TFCP2: variants seen among roughly 807,000 people sequenced by gnomAD.
TFCP2 encodes the protein transcription factor CP2, also known as alpha-globin transcription factor CP2.
Under a neutral mutation model 73.4 loss-of-function variants are expected in TFCP2, and 33 were observed. The ratio of observed to expected loss-of-function variants is 0.45; its 90% CI spans 0.34 to 0.60. The LOEUF is 0.60. Among genes scored for constraint, TFCP2 ranks in the 20% least tolerant of loss-of-function variants. The pLI, the probability that TFCP2 is intolerant of heterozygous loss-of-function variation, is 0.01. For missense variants in TFCP2, 352 were observed against 604.0 expected (o/e 0.58, Z 4.37); for synonymous variants, 193 against 211.6 (o/e 0.91, Z 0.76).
chr12:51,127,336 G>C, intron 1 of TFCP2, among the ~76,000 whole-genome samples: 1 of 152,112 alleles, frequency 6.6e-6, no homozygotes, highest in East Asian at 1.9e-4. Flanking sequence ...TCTCAAAAAT[G>C]AAATTCTGGC....
intron 1 of TFCP2, among the ~76,000 whole-genome samples, chr12:51,120,834 C>A (rs1349767032): frequency 2.1e-5 from 3 of 145,134 alleles, no homozygotes; most frequent in African/African-American, 7.6e-5. Context: ...ATGTCAGAGG[C>A]TGAGGCACGA....
intron 14 of TFCP2, 30 bp from the exon 15 acceptor site, chr12:51,095,308 T>C: frequency 1.9e-6 from 3 of 1,609,360 alleles, no homozygotes; most frequent in Non-Finnish European, 2.6e-6. Context: ...GAGAGAATCA[T>C]CTTTAGTCAC....
At chr12:51,168,318 A>C (rs1052075737) in intron 1 of TFCP2, among the ~76,000 whole-genome samples, 1 of 152,038 alleles carries the variant, frequency 6.6e-6, no homozygotes, top group African/African-American at 2.4e-5. Flanking sequence ...ACTTGGGAGG[A>C]CTGCTTGAGC....
At chr12:51,131,396 C>G (rs1940942295) in intron 1 of TFCP2, among the ~76,000 whole-genome samples, 1 of 150,970 alleles carries the variant, frequency 6.6e-6, no homozygotes, top group African/African-American at 2.4e-5. Flanking sequence ...TAGATAACAT[C>G]TAGGCATACT....
chr12:51,117,905 C>T lies in TFCP2; in HGVS notation c.275-158G>A, dbSNP rs542048910. On this transcript the variant is annotated intron_variant, in intron 2 of 14. Transcript: ENST00000257915. Reference sequence around the variant, plus strand: ...CCTTTACAAGATGCTCAGCACTGTGCTAAGTATTGTCACATTATCTCATTT... The same window carrying T: ...CCTTTACAAGATGCTCAGCACTGTGTTAAGTATTGTCACATTATCTCATTT... Among the ~76,000 whole-genome samples, 5 of 152,268 alleles carry T rather than the reference C, an allele frequency of 3.3e-5. No individual in the cohort carries two copies. The South Asian group carries it at 8.3e-4, about 25-fold the overall frequency.
chr12:51,133,445 C>A (rs954296671), intron 1 of TFCP2, among the ~76,000 whole-genome samples: 2 of 152,178 alleles, frequency 1.3e-5, no homozygotes, highest in Non-Finnish European at 2.9e-5. Context: ...GCTGGAACTA[C>A]AGGTGTGTGC....
At chr12:51,117,840 G>T in intron 2 of TFCP2, 93 bp from the exon 3 acceptor site, 1 of 738,648 alleles carries the variant, frequency 1.4e-6, no homozygotes. Context: ...ATATACAACA[G>T]TATAATAATA....
intron 1 of TFCP2, among the ~76,000 whole-genome samples, chr12:51,146,976 C>T (rs1941310265): frequency 6.6e-6 from 1 of 152,166 alleles, no homozygotes; most frequent in Non-Finnish European, 1.5e-5. Context: ...ATAGTAGGCA[C>T]TCAAGTGTTT....
At chr12:51,112,866 C>CAAA (rs11362530) in intron 4 of TFCP2, among the ~76,000 whole-genome samples, 12 of 111,564 alleles carry the variant, frequency 1.1e-4, no homozygotes, top group South Asian at 3.2e-4. Context: ...GACTCTGTCT[C>CAAA]AAAAAAAAAA....
At chr12:51,099,949 T>G (rs1326310154) in intron 11 of TFCP2, among the ~76,000 whole-genome samples, 170 bp from the exon 12 acceptor site, 1 of 149,310 alleles carries the variant, frequency 6.7e-6, no homozygotes, top group Admixed American at 6.7e-5. Flanking sequence ...AGTAGTAGGG[T>G]TTTTTTTTTC....
chr12:51,147,236 G>T (rs1051105497), intron 1 of TFCP2, among the ~76,000 whole-genome samples: 1 of 152,030 alleles, frequency 6.6e-6, no homozygotes, highest in Non-Finnish European at 1.5e-5. Context: ...CCAGCTACTC[G>T]GGAGGCTGAG....
At chr12:51,118,954 G>A (rs1319817470) in intron 1 of TFCP2, among the ~76,000 whole-genome samples, 182 bp from the exon 2 acceptor site, 1 of 152,208 alleles carries the variant, frequency 6.6e-6, no homozygotes, top group Non-Finnish European at 1.5e-5. Context: ...AACAGTGTGG[G>A]TGATGACAGA....
intron 4 of TFCP2, among the ~76,000 whole-genome samples, chr12:51,115,456 A>G (rs936462209): frequency 6.6e-6 from 1 of 152,172 alleles, no homozygotes; most frequent in African/African-American, 2.4e-5. Flanking sequence ...GTAGAAATGT[A>G]AAATGTGTAG....
chr12:51,121,052 A>G (rs866902656), intron 1 of TFCP2, among the ~76,000 whole-genome samples: 2 of 152,082 alleles, frequency 1.3e-5, no homozygotes, highest in East Asian at 3.9e-4. Context: ...AAAAAGAAAA[A>G]ATATATATAG....
intron 1 of TFCP2, among the ~76,000 whole-genome samples, chr12:51,153,851 T>G (rs1941480714): frequency 6.6e-6 from 1 of 152,208 alleles, no homozygotes; most frequent in African/African-American, 2.4e-5. Flanking sequence ...GGTGTACAAA[T>G]AGCTGCTCAA....
chr12:51,122,818 T>C (rs527753531), intron 1 of TFCP2, among the ~76,000 whole-genome samples: 81 of 152,340 alleles, frequency 5.3e-4, no homozygotes, highest in African/African-American at 1.9e-3. Flanking sequence ...AAGTTACCAG[T>C]GCTCTCCTAA....
chr12:51,127,341 T>C (rs1456060487), intron 1 of TFCP2, among the ~76,000 whole-genome samples: 1 of 152,138 alleles, frequency 6.6e-6, no homozygotes, highest in East Asian at 1.9e-4. Flanking sequence ...AAAATGAAAT[T>C]CTGGCAATCT....
chr12:51,150,923 G>A (rs1384606602), intron 1 of TFCP2, among the ~76,000 whole-genome samples: 2 of 152,010 alleles, frequency 1.3e-5, no homozygotes, highest in Non-Finnish European at 1.5e-5. Context: ...ATGAAGTTGG[G>A]GAGAGAAGCC....
intron 1 of TFCP2, among the ~76,000 whole-genome samples, chr12:51,141,361 T>G (rs900052535): frequency 1.3e-5 from 2 of 152,102 alleles, no homozygotes; most frequent in Non-Finnish European, 2.9e-5. Context: ...AGAGAGACAT[T>G]CACTCATCAT....
Sources: gnomAD v4.1 joint callset for allele counts (sites outside exome capture counted in the v4.1 genomes callset) on GRCh38, gnomAD v4.1.1 for gene constraint, MANE v1.5 for transcripts, NCBI Gene and HGNC (gene_info 2026-07-23, HGNC 2026-07-21) for gene names.